KPNB1: variants seen among roughly 807,000 people sequenced by gnomAD.
KPNB1 encodes karyopherin subunit beta 1, also known as importin subunit beta-1.
KPNB1 carries 7 observed loss-of-function variants against 113.0 expected under a neutral mutation model. That is an observed-to-expected ratio of 0.06 (90% CI 0.04 to 0.12). The LOEUF is 0.12. Ranked by LOEUF, KPNB1 falls within the 10% of genes least tolerant of loss-of-function variation. The pLI is 1.00. For synonymous variants in KPNB1, 363 were observed against 378.6 expected (o/e 0.96, Z 0.48); for missense variants, 400 against 1,054.8 (o/e 0.38, Z 8.60).
At chr17:47,664,093 C>T (rs890058039) in intron 7 of KPNB1, 66 bp from the exon 8 acceptor site, 20 of 919,816 alleles carry the variant, frequency 2.2e-5, no homozygotes, top group Middle Eastern at 2.2e-4. Context: ...TGGTTAAAGC[C>T]GGGTTGGGGC....
chr17:47,667,564 T>G (rs1379782401), intron 9 of KPNB1, among the ~76,000 whole-genome samples: 3 of 149,328 alleles, frequency 2.0e-5, no homozygotes, highest in South Asian at 2.1e-4. Context: ...AATACTATGT[T>G]TTTTTTTTTT....
rs1159095016 is a variant in KPNB1, at chr17:47,664,245, G to C, written c.873G>C (p.Met291Ile). 2 of 1,612,502 alleles carry C rather than the reference G, an allele frequency of 1.2e-6. No homozygotes were observed. Among genetic ancestry groups the C allele is most frequent in the Non-Finnish European group, 1.7e-6 (2 of 1,178,638 alleles). ...GGTCCAATGTCTGTGATGAGGAAAT[G>C]GATTTGGCCATTGAAGCTTCAGAGG... is the stretch of plus-strand genomic sequence containing the variant. The part of the protein sequence containing the change: ...EFWSNVCDEE[M>I]DLAIEASEAA... The change falls in exon 8 of 22, where the codon ATG (methionine) becomes ATC (isoleucine). Residue 291 changes from methionine (M) to isoleucine (I), a missense_variant. This residue lies in a region of KPNB1 where 285 missense variants were observed against 627.0 expected (regional missense o/e 0.45). Coordinates refer to ENST00000290158, the MANE Select transcript of KPNB1 (RefSeq NM_002265.6).
Position 47,674,560 on chromosome 17 carries a change from A to G in KPNB1, c.1768-78A>G. 1.4e-6 allele frequency: 2 copies of G among 1,401,214 alleles called. 1 individual carries two copies. The highest frequency in any genetic ancestry group is 2.8e-5 in the South Asian group (2 of 70,834). The allele number at this position is 1,401,214 out of a possible 1,614,324, so 86.8% of individuals were successfully genotyped here. On this transcript the variant is annotated intron_variant, in intron 14 of 21. Coordinates refer to ENST00000290158, the MANE Select transcript of KPNB1 (RefSeq NM_002265.6). Reference sequence around the variant, plus strand: ...TAAAAAATATCAAGGGACTTAATTGATTTTAAAAAGAAAAGGTATAGTGTT... The same window carrying G: ...TAAAAAATATCAAGGGACTTAATTGGTTTTAAAAAGAAAAGGTATAGTGTT...
At position 47,650,189 on chromosome 17, in the gene KPNB1, G is replaced by A. The variant is rs1367728962; in HGVS notation, c.-56G>A. 1 of 1,244,912 alleles carries A rather than the reference G, an allele frequency of 8.0e-7. No individual in the cohort carries two copies. The allele number at this position is 1,244,912 out of a possible 1,614,324, so 77.1% of individuals were successfully genotyped here. A position where few individuals can be genotyped will look rare whatever the true frequency, so the allele number is the denominator to read the frequency against. On this transcript the variant is annotated 5_prime_UTR_variant, in exon 1 of 22. Coordinates refer to ENST00000290158, the MANE Select transcript of KPNB1 (RefSeq NM_002265.6). Reference sequence around the variant, plus strand: ...ACCCCCATCCCCAGTTCGAGCCGCCGCCCGAAAGGCCGGGCCGTCGTCTTA... The same window carrying A: ...ACCCCCATCCCCAGTTCGAGCCGCCACCCGAAAGGCCGGGCCGTCGTCTTA...
At chr17:47,652,362 C>G (rs1044430964) in intron 2 of KPNB1, among the ~76,000 whole-genome samples, 1 of 152,176 alleles carries the variant, frequency 6.6e-6, no homozygotes, top group Admixed American at 6.5e-5. Flanking sequence ...AGAAGACTGA[C>G]TACTACTACC....
rs2030394068 is a variant in KPNB1 at position 47,669,727 on chromosome 17, G to A, written c.1274G>A (p.Arg425Gln). 2 of 1,613,684 alleles carry A rather than the reference G, an allele frequency of 1.2e-6. No homozygotes were observed. The highest frequency in any genetic ancestry group is 1.6e-4 in the Middle Eastern group (1 of 6,062). ...ELMKDPSVVVRDTAAWTVGRI... is the reference protein window; with the variant it reads ...ELMKDPSVVVQDTAAWTVGRI... ...ATGAAAGACCCCAGTGTAGTTGTTC[G>A]AGATACAGCTGCATGGACTGTAGGC... is the stretch of plus-strand genomic sequence containing the variant. Residue 425 changes from arginine (R) to glutamine (Q), a missense_variant, in exon 11 of 22, where the codon CGA becomes CAA. Physicochemically the swap from Arg to Gln is conservative, Grantham distance 43. Coordinates refer to ENST00000290158, the MANE Select transcript of KPNB1 (RefSeq NM_002265.6).
chr17:47,657,159 C>A, intron 4 of KPNB1, 99 bp downstream of exon 4: 1 of 1,033,852 alleles, frequency 9.7e-7, no homozygotes, highest in South Asian at 1.4e-5. Flanking sequence ...ACGAAGAAAG[C>A]CAAGCTAAAT....
At position 47,683,829 on chromosome 17, in the gene KPNB1, T is replaced by G. The variant is rs2030868856; in HGVS notation, c.*1425T>G. 1 of 152,570 alleles carries G rather than the reference T, an allele frequency of 6.6e-6. No individual in the cohort carries two copies. Among genetic ancestry groups the G allele is most frequent in the Non-Finnish European group, 1.5e-5 (1 of 68,028 alleles). The allele number at this position is 152,570 out of a possible 1,614,324, so 9.5% of individuals were successfully genotyped here. The stretch of plus-strand genomic sequence containing the variant: ...TTATTTTTCCACTGAAGTTGAAGGT[T>G]AATAAAATGGTGTCAAACGTCCCCT... On this transcript the variant is annotated 3_prime_UTR_variant, in exon 22 of 22. Coordinates refer to ENST00000290158, the MANE Select transcript of KPNB1 (RefSeq NM_002265.6).
At chr17:47,659,985 T>C (rs1274231965) in intron 5 of KPNB1, among the ~76,000 whole-genome samples, 1 of 152,110 alleles carries the variant, frequency 6.6e-6, no homozygotes, top group Non-Finnish European at 1.5e-5. Flanking sequence ...ATGAATAACA[T>C]AAAATTTACC....
At position 47,650,510 on chromosome 17, in the gene KPNB1, C is replaced by G; in HGVS notation, c.99+66C>G. 2.0e-6 allele frequency: 3 copies of G among 1,465,048 alleles called. No homozygotes were observed. In the South Asian group the frequency reaches 3.6e-5, roughly 18 times the overall value. The allele number at this position is 1,465,048 out of a possible 1,614,324, so 90.8% of individuals were successfully genotyped here. A position where few individuals can be genotyped will look rare whatever the true frequency, so the allele number is the denominator to read the frequency against. On this transcript the variant is annotated intron_variant, in intron 2 of 21. Coordinates refer to ENST00000290158, the MANE Select transcript of KPNB1 (RefSeq NM_002265.6). ...TCCCCTGCGTGCGGGGCCTTCCCGCCCTCCCGGAGGCCCAGGCCTCGGGAA... is the reference window on the plus strand; with the variant it reads ...TCCCCTGCGTGCGGGGCCTTCCCGCGCTCCCGGAGGCCCAGGCCTCGGGAA...
chr17:47,674,915 C>G (rs2030549941), intron 15 of KPNB1, 133 bp downstream of exon 15: 1 of 856,890 alleles, frequency 1.2e-6, no homozygotes, highest in African/African-American at 1.7e-5. Flanking sequence ...ATCGTGGGCT[C>G]ACATGATCCT....
At position 47,673,353 on chromosome 17, in the gene KPNB1, G is replaced by A. The variant is rs2030505346; in HGVS notation, c.1696-137G>A. On this transcript the variant is annotated intron_variant, in intron 13 of 21. Transcript: ENST00000290158. ...TGTTTGTCATGGTTTACTCATATAT[G>A]TGTTACACTATATGTATTATGGGTT... 4 of 865,446 alleles carry A rather than the reference G, an allele frequency of 4.6e-6. No individual in the cohort carries two copies. The South Asian group carries it at 6.3e-5, about 14-fold the overall frequency. 53.6% of individuals were successfully genotyped at this position (865,446 alleles called of 1,614,324 possible).
intron 3 of KPNB1, 36 bp downstream of exon 3, chr17:47,652,912 G>A (rs753888535): frequency 6.8e-7 from 1 of 1,476,256 alleles, no homozygotes; most frequent in Non-Finnish European, 9.1e-7. Context: ...ATATTGCCCA[G>A]AGAACAAGAA....
At chr17:47,652,331 T>C (rs1762072635) in intron 2 of KPNB1, among the ~76,000 whole-genome samples, 1 of 152,224 alleles carries the variant, frequency 6.6e-6, no homozygotes, top group African/African-American at 2.4e-5. Flanking sequence ...TTAAAAGTTC[T>C]TGGGACACCT....
At position 47,683,114 on chromosome 17, in the gene KPNB1, A is replaced by AC. The variant is rs1242801925; in HGVS notation, c.*710_*711insC. 6.8e-6 allele frequency: 1 copy of AC among 147,684 alleles called. No homozygotes were observed. The highest frequency in any genetic ancestry group is 2.5e-5 in the African/African-American group (1 of 40,406). 9.1% of individuals were successfully genotyped at this position (147,684 alleles called of 1,614,324 possible). A position where few individuals can be genotyped will look rare whatever the true frequency, so the allele number is the denominator to read the frequency against. On this transcript the variant is annotated 3_prime_UTR_variant, in exon 22 of 22. Transcript: ENST00000290158. ...GTAAAAAAAAAAAAAAAAAAAAAAA[A>AC]AAAAACACACACACAGAGGAAAGAC...
intron 6 of KPNB1, 147 bp downstream of exon 6, chr17:47,661,325 C>T (rs1348547667): frequency 4.5e-5 from 31 of 694,436 alleles, no homozygotes; most frequent in Non-Finnish European, 7.6e-5. Context: ...TCTGGCTGGG[C>T]ATGGTGGCTC....
At chr17:47,663,231 C>A in intron 7 of KPNB1, 53 bp downstream of exon 7, 1 of 912,932 alleles carries the variant, frequency 1.1e-6, no homozygotes, top group Non-Finnish European at 1.8e-6. Flanking sequence ...CAGAGCCCAT[C>A]ATCCTTAGTC....
At chr17:47,676,518 G>T in intron 16 of KPNB1, 27 bp downstream of exon 16, 1 of 1,531,958 alleles carries the variant, frequency 6.5e-7, no homozygotes, top group Non-Finnish European at 9.0e-7. Flanking sequence ...AAAATAGTAT[G>T]TTCCCATTTA....
chr17:47,663,635 A>G (rs906571174), intron 7 of KPNB1, among the ~76,000 whole-genome samples: 16 of 151,990 alleles, frequency 1.1e-4, no homozygotes, highest in Admixed American at 2.0e-4. Flanking sequence ...TTGCACTCCA[A>G]CCTGGGCCAG....
Sources: allele counts gnomAD v4.1 joint callset (sites outside exome capture counted in the v4.1 genomes callset), GRCh38; gene constraint gnomAD v4.1.1; regional missense constraint gnomAD v4.1.1; transcripts MANE v1.5; gene names NCBI Gene and HGNC (gene_info 2026-07-23, HGNC 2026-07-21).